Variants in SYNE1 observed in about 807,000 individuals in gnomAD.
SYNE1 encodes the protein spectrin repeat containing nuclear envelope protein 1, also known as nesprin-1.
Under a neutral mutation model 1,111.0 loss-of-function variants are expected in SYNE1, and 616 were observed. The observed-to-expected ratio is 0.55, with a 90% CI of 0.52 to 0.59. The LOEUF is 0.59. SYNE1 is among the 20% of genes least tolerant of loss of function. SYNE1 has a pLI of 0.00. For missense variants in SYNE1, 10,006 were observed against 10,417.0 expected, an observed-to-expected ratio of 0.96 and a Z score of 1.72; for synonymous variants, 3,855 against 3,825.8, an observed-to-expected ratio of 1.01 and a Z score of -0.28.
intron 129 of SYNE1, 109 bp from the exon 130 acceptor site, chr6:152,176,669 T>C: frequency 8.9e-7 from 1 of 1,127,462 alleles, no homozygotes; most frequent in South Asian, 1.3e-5. Context: ...TGGAAGTAGT[T>C]TGAGCATAGG....
At position 152,390,306 on chromosome 6, in the gene SYNE1, G is replaced by A; in HGVS notation, c.8151C>T (p.Ile2717=). Residue 2717 remains isoleucine, a synonymous_variant, in exon 53 of 146, where the codon ATC becomes ATT. Coordinates refer to ENST00000367255, the MANE Select transcript of SYNE1 (RefSeq NM_182961.4). ...LETLKEVWAD[I]MSSSVHAQST... Reference sequence around the variant, plus strand: ...TTTGAGCGTGGACGGAGGAGCTCATGATGTCAGCCCACACTTCTTTAAGGG... The same window carrying A: ...TTTGAGCGTGGACGGAGGAGCTCATAATGTCAGCCCACACTTCTTTAAGGG... 6.2e-7 allele frequency: 1 copy of A among 1,614,074 alleles called. No homozygotes were observed. Among genetic ancestry groups the A allele is most frequent in the African/African-American group, 1.3e-5 (1 of 75,036 alleles).
intron 81 of SYNE1, among the ~76,000 whole-genome samples, chr6:152,324,777 G>T (rs1335207046): frequency 6.6e-6 from 1 of 152,200 alleles, no homozygotes; most frequent in Non-Finnish European, 1.5e-5. Flanking sequence ...CTCCAGCCTG[G>T]GCGACAGAGG....
At chr6:152,379,034 AC>A (rs2097346924) in intron 56 of SYNE1, among the ~76,000 whole-genome samples, 1 of 152,184 alleles carries the variant, frequency 6.6e-6, no homozygotes, top group East Asian at 1.9e-4. Context: ...ACCATATGGA[AC>A]CTTTTACTTA....
At chr6:152,541,981 C>A (rs1423942549) in intron 3 of SYNE1, among the ~76,000 whole-genome samples, 1 of 152,034 alleles carries the variant, frequency 6.6e-6, no homozygotes, top group African/African-American at 2.4e-5. Context: ...AAAAGCCACA[C>A]AGAAGTAGTT....
At chr6:152,302,194 A>C in intron 91 of SYNE1, 131 bp from the exon 92 acceptor site, 4 of 1,216,270 alleles carry the variant, frequency 3.3e-6, no homozygotes, top group Non-Finnish European at 4.7e-6. Flanking sequence ...CAGGATGTGT[A>C]GGCGGCGAGT....
At chr6:152,498,112 T>G (rs1474781484) in intron 11 of SYNE1, among the ~76,000 whole-genome samples, 1 of 152,210 alleles carries the variant, frequency 6.6e-6, no homozygotes, top group Non-Finnish European at 1.5e-5. Flanking sequence ...AATGTTGATA[T>G]AAATACAAAT....
In SYNE1 at chr6:152,628,365, G is replaced by T; in HGVS notation, c.-34C>A. The T allele has an allele frequency of 6.2e-7, 1 of 1,608,866 alleles. No homozygotes were observed. The stretch of plus-strand genomic sequence containing the variant: ...CGGAAGCACGAAGCCAACACCAAGA[G>T]ACTCTTCACTGGAGGCAGCACAGGG... On this transcript the variant is annotated 5_prime_UTR_variant, in exon 3 of 146. Transcript: ENST00000367255.
rs748362030 is a variant in SYNE1 at position 152,396,806 on chromosome 6, C to A, written c.7525G>T (p.Ala2509Ser). 4 of 1,613,988 alleles carry A rather than the reference C, an allele frequency of 2.5e-6. No homozygotes were observed. The highest frequency in any genetic ancestry group is 3.4e-6 in the Non-Finnish European group (4 of 1,180,016). ...AGTTCTGAAGCACAGTCTTGAAGAG[C>A]CTGCTTATCTTTAAGGCATTGTTTC... ...FLKQCLKDKQ[A>S]LQDCASELGS... Residue 2509 changes from alanine (A) to serine (S), a missense_variant, in exon 50 of 146, where the codon GCT becomes TCT. By Grantham distance (99) the Ala-to-Ser change is moderately conservative (BLOSUM62 1). Coordinates refer to ENST00000367255, the MANE Select transcript of SYNE1 (RefSeq NM_182961.4).
chr6:152,421,719 T>TTTA (rs1563900474), intron 39 of SYNE1, among the ~76,000 whole-genome samples: 1 of 144,802 alleles, frequency 6.9e-6, no homozygotes, highest in Non-Finnish European at 1.5e-5. Context: ...TTATTTATTT[T>TTTA]TTGGAGATGG....
chr6:152,417,894 T>C (rs1278807066), intron 40 of SYNE1, among the ~76,000 whole-genome samples: 2 of 152,174 alleles, frequency 1.3e-5, no homozygotes, highest in South Asian at 2.1e-4. Flanking sequence ...CATGAAGAAA[T>C]CTTTTTCCAT....
In SYNE1 at chr6:152,520,480, G is replaced by A. The variant is rs757234598; in HGVS notation, c.288C>T (p.Leu96=). The A allele has an allele frequency of 3.7e-6, 6 of 1,613,604 alleles. No homozygotes were observed. In the East Asian group the frequency reaches 1.1e-4, roughly 30 times the overall value. The change falls in exon 6 of 146, where the codon CTC becomes CTT. Residue 96 remains leucine (L), a synonymous_variant. Coordinates refer to ENST00000367255, the MANE Select transcript of SYNE1 (RefSeq NM_182961.4). ...TTACCTTTCTTCCTTCGAGGAACTTGAGTGCCGTGCCAATGTTAGCCACAG... is the reference window on the plus strand; with the variant it reads ...TTACCTTTCTTCCTTCGAGGAACTTAAGTGCCGTGCCAATGTTAGCCACAG... ...IHAVANIGTA[L]KFLEGRKIKL...
intron 6 of SYNE1, chr6:152,511,444 A>G: frequency 1.2e-6 from 1 of 840,898 alleles, no homozygotes; most frequent in South Asian, 1.6e-5. Context: ...CTGGAGCTTA[A>G]AAGAAACTGC....
chr6:152,237,038 T>C, intron 108 of SYNE1, 90 bp from the exon 109 acceptor site: 1 of 1,528,950 alleles, frequency 6.5e-7, no homozygotes, highest in Non-Finnish European at 8.9e-7. Context: ...CCTGACAGTC[T>C]CTCCTTAAAG....
Position 152,471,720 on chromosome 6 carries a change from C to T in SYNE1, c.1509G>A (p.Met503Ile), listed in dbSNP as rs775671232. 3.1e-6 allele frequency: 5 copies of T among 1,613,886 alleles called. No individual in the cohort carries two copies. Among genetic ancestry groups the T allele is most frequent in the Non-Finnish European group, 4.2e-6 (5 of 1,179,852 alleles). Residue 503 changes from methionine (M) to isoleucine (I), a missense_variant, in exon 16 of 146, where the codon ATG becomes ATA. Around this residue, in one of 7 missense-constraint regions of SYNE1, gnomAD observed 1,971 missense variants for 2,084.1 expected, o/e 0.95. Transcript: ENST00000367255. The stretch of plus-strand genomic sequence containing the variant: ...GACGGTACTTTAATTCTAAAAATTC[C>T]ATTTTCATTAGGTGTAGCTCTGATG... ...SSTSELHLMK[M>I]EFLELKYRLL...
In SYNE1 at chr6:152,339,262, G is replaced by A; in HGVS notation, c.12330C>T (p.Asp4110=). Residue 4110 remains aspartate (D), a synonymous_variant, in exon 75 of 146, where the codon GAC becomes GAT. Coordinates refer to ENST00000367255, the MANE Select transcript of SYNE1 (RefSeq NM_182961.4). ...TTACCGTTTGCTCTGTTTGTTGAAT[G>A]TCTTTTGCTGTGGTTTTCACCGAAG... ...SNASVKTTAK[D]IQQTEQTIEQ... 6.2e-7 allele frequency: 1 copy of A among 1,613,874 alleles called. No homozygotes were observed. Among genetic ancestry groups the A allele is most frequent in the Non-Finnish European group, 8.5e-7 (1 of 1,179,808 alleles).
chr6:152,491,451 CT>C (rs981454794), intron 11 of SYNE1, among the ~76,000 whole-genome samples: 2 of 152,100 alleles, frequency 1.3e-5, no homozygotes, highest in Non-Finnish European at 2.9e-5. Context: ...AGCTTCCACC[CT>C]CCATTCCCCC....
chr6:152,254,739 C>A, intron 104 of SYNE1, 141 bp downstream of exon 104: 1 of 851,804 alleles, frequency 1.2e-6, no homozygotes, highest in Non-Finnish European at 1.8e-6. Context: ...TTTAATTCAA[C>A]CCCCTTCATT....
chr6:152,390,361 C>T lies in SYNE1; in HGVS notation c.8096G>A (p.Gly2699Asp). 1 of 1,614,172 alleles carries T rather than the reference C, an allele frequency of 6.2e-7. No homozygotes were observed. The highest frequency in any genetic ancestry group is 8.5e-7 in the Non-Finnish European group (1 of 1,180,026). ...EQALRSSNKE[G>D]QRVIQTQLET... ...TAACTGAGTCTGAATCACCCTCTGA[C>T]CTTCTTTGTTGCTACTTCTCAAGGC... The change falls in exon 53 of 146, where the codon GGT becomes GAT. Residue 2699 changes from glycine (G) to aspartate (D), a missense_variant. By Grantham distance (94) the Gly-to-Asp change is moderately conservative. Coordinates refer to ENST00000367255, the MANE Select transcript of SYNE1 (RefSeq NM_182961.4).
At chr6:152,622,766 C>T (rs924096470) in intron 3 of SYNE1, among the ~76,000 whole-genome samples, 1 of 151,940 alleles carries the variant, frequency 6.6e-6, no homozygotes, top group Non-Finnish European at 1.5e-5. Context: ...ATTTATATTC[C>T]TTTGGGTATA....
Sources: gnomAD v4.1 joint callset for allele counts (sites outside exome capture counted in the v4.1 genomes callset) on GRCh38, gnomAD v4.1.1 for gene constraint, gnomAD v4.1.1 regional missense constraint, MANE v1.5 for transcripts, NCBI Gene and HGNC (gene_info 2026-07-23, HGNC 2026-07-21) for gene names.